The following RNF150 variants were observed in gnomAD, a reference collection of about 807,000 sequenced individuals.
RNF150 encodes the protein ring finger protein 150.
RNF150 carries 24 observed loss-of-function variants against 39.3 expected under a neutral mutation model. That is an observed-to-expected ratio of 0.61 (90% CI 0.44 to 0.86). The LOEUF is 0.86. Ranked by LOEUF, RNF150 falls within the 40% of genes least tolerant of loss-of-function variation. The pLI is 0.00. For missense variants in RNF150, 502 were observed against 587.8 expected, an observed-to-expected ratio of 0.85 and a Z score of 1.51; for synonymous variants, 255 against 227.3, an observed-to-expected ratio of 1.12 and a Z score of -1.10.
chr4:140,955,434 T>A (rs1171409394), intron 2 of RNF150, among the ~76,000 whole-genome samples: 1 of 152,188 alleles, frequency 6.6e-6, no homozygotes, highest in Non-Finnish European at 1.5e-5. Flanking sequence ...GCTAACTGTG[T>A]GACTTTGGCC....
chr4:141,038,702 A>AG (rs1400659988), intron 1 of RNF150, among the ~76,000 whole-genome samples: 8 of 152,072 alleles, frequency 5.3e-5, no homozygotes, highest in African/African-American at 1.9e-4. Flanking sequence ...AAAAAAAAAA[A>AG]GAATCTCTTT....
intron 1 of RNF150, among the ~76,000 whole-genome samples, chr4:141,059,367 T>TA (rs1035943184): frequency 8.6e-5 from 13 of 152,000 alleles, no homozygotes; most frequent in South Asian, 2.1e-4. Flanking sequence ...TAAACTAGGT[T>TA]AAAAAAAAGT....
In RNF150 at chr4:140,925,579, G is replaced by A. The variant is rs141353360; in HGVS notation, c.987+398C>T. On this transcript the variant is annotated intron_variant, in intron 5 of 6. Transcript: ENST00000515673. ...CGCTCCCTCTGAAAGCCAGGTGATCGTGGGGCAAAGTGTGGCTTACGGATC... is the reference window on the plus strand; with the variant it reads ...CGCTCCCTCTGAAAGCCAGGTGATCATGGGGCAAAGTGTGGCTTACGGATC... Among the ~76,000 whole-genome samples the A allele has an allele frequency of 3.0e-3, 461 of 152,192 alleles. 6 individuals are homozygous for A. The highest frequency in any genetic ancestry group is 0.011 in the African/African-American group (443 of 41,524).
rs184898739 is a variant in RNF150, at chr4:141,128,821, G to A, written c.484+3504C>T. Among the ~76,000 whole-genome samples the A allele has an allele frequency of 1.3e-3, 200 of 152,270 alleles. 1 individual carries two copies. Among genetic ancestry groups the A allele is most frequent in the African/African-American group, 4.5e-3 (186 of 41,550 alleles). On this transcript the variant is annotated intron_variant, in intron 1 of 6. Coordinates refer to ENST00000515673, the MANE Select transcript of RNF150 (RefSeq NM_020724.2). The stretch of plus-strand genomic sequence containing the variant: ...TGGAAAAGAATAAATAATGGTGGGT[G>A]TAAGGTGAAAGGGAATAAAATGAAT...
intron 1 of RNF150, among the ~76,000 whole-genome samples, chr4:141,061,573 G>A (rs926887666): frequency 2.6e-5 from 4 of 152,200 alleles, no homozygotes; most frequent in South Asian, 2.1e-4. Flanking sequence ...ACACATAAGT[G>A]GGAAAATGCC....
rs1034673477 is a variant in RNF150 at position 141,132,912 on chromosome 4, T to C, written c.-104A>G. 6 of 963,418 alleles carry C rather than the reference T, an allele frequency of 6.2e-6. No homozygotes were observed. Among genetic ancestry groups the C allele is most frequent in the Non-Finnish European group, 9.4e-6 (6 of 640,576 alleles). 59.7% of individuals were successfully genotyped at this position (963,418 alleles called of 1,614,324 possible). A position where few individuals can be genotyped will look rare whatever the true frequency, so the allele number is the denominator to read the frequency against. Reference sequence around the variant, plus strand: ...GGGCCGCTGCCTCTCCTCCTGCTGCTGCTCACTCCCGGGCCGGAGGGGCCG... The same window carrying C: ...GGGCCGCTGCCTCTCCTCCTGCTGCCGCTCACTCCCGGGCCGGAGGGGCCG... On this transcript the variant is annotated 5_prime_UTR_variant, in exon 1 of 7. Transcript: ENST00000515673. The surrounding 1 kb of genome is among the most constrained non-coding windows in gnomAD (Gnocchi z 4.9).
At position 140,911,284 on chromosome 4, in the gene RNF150, T is replaced by A; in HGVS notation, c.1058A>T (p.Gln353Leu). ...TGTTGTGTCGCTGGCACCTGTGATC[T>A]GGTTGGTGGGTGGACCTCCCAGAGA... ...EGSLGGPPTN[Q>L]ITGASDTTVN... is the part of the protein sequence containing the mutation. The change falls in exon 6 of 7, where the codon CAG becomes CTG. Residue 353 changes from glutamine (Q) to leucine (L), a missense_variant. Gln to Leu is a moderately radical substitution (Grantham distance 113, BLOSUM62 -2). Coordinates refer to ENST00000515673, the MANE Select transcript of RNF150 (RefSeq NM_020724.2). 1.9e-6 allele frequency: 3 copies of A among 1,614,174 alleles called. No homozygotes were observed. The highest frequency in any genetic ancestry group is 2.5e-6 in the Non-Finnish European group (3 of 1,180,036).
chr4:141,016,758 G>C (rs559576494), intron 1 of RNF150, among the ~76,000 whole-genome samples: 6 of 152,152 alleles, frequency 3.9e-5, no homozygotes, highest in African/African-American at 1.4e-4. Flanking sequence ...TGCTTTTCCT[G>C]TCCCTGGCCG....
chr4:140,923,135 T>C (rs1731229770), intron 5 of RNF150, among the ~76,000 whole-genome samples: 1 of 151,638 alleles, frequency 6.6e-6, no homozygotes, highest in Non-Finnish European at 1.5e-5. Flanking sequence ...CTAATTAAAC[T>C]AAGGACCTTC....
intron 1 of RNF150, among the ~76,000 whole-genome samples, chr4:141,059,600 G>T (rs1328047317): frequency 3.3e-5 from 5 of 151,658 alleles, no homozygotes; most frequent in African/African-American, 1.2e-4. Context: ...TAAAAACCTT[G>T]TATTGAGTAT....
chr4:141,075,388 G>A (rs1289256327), intron 1 of RNF150, among the ~76,000 whole-genome samples: 1 of 152,194 alleles, frequency 6.6e-6, no homozygotes, highest in Non-Finnish European at 1.5e-5. Context: ...GGCCAATTAA[G>A]GAAAGCCTAT....
intron 5 of RNF150, 46 bp downstream of exon 5, chr4:140,925,931 C>T (rs373257074): frequency 4.1e-5 from 55 of 1,357,264 alleles, no homozygotes; most frequent in African/African-American, 1.0e-4. Context: ...TTGAGGGCAA[C>T]GCAGAAAGAC....
At chr4:141,186,727 C>G (rs904122612) in intron 1 of RNF150, among the ~76,000 whole-genome samples, 3 of 152,026 alleles carry the variant, frequency 2.0e-5, no homozygotes, top group African/African-American at 7.2e-5. Flanking sequence ...TTTATTGTGT[C>G]TATTTGATTC....
rs1728795049 is a variant in RNF150, at chr4:140,868,295, G to C, written c.1283C>G (p.Ser428Cys). 6.2e-7 allele frequency: 1 copy of C among 1,609,048 alleles called. No individual in the cohort carries two copies. Among genetic ancestry groups the C allele is most frequent in the African/African-American group, 1.3e-5 (1 of 74,814 alleles). ...MEVGLSDVEL[S>C]TDQDCEEVKS The stretch of plus-strand genomic sequence containing the variant: ...CACTTCTTCACAGTCCTGGTCAGTG[G>C]AAAGTTCTACATCAGACAGTCCAAC... Residue 428 changes from serine (S) to cysteine (C), a missense_variant, in exon 7 of 7, where the codon TCC (serine) becomes TGC (cysteine). Transcript: ENST00000515673.
intron 1 of RNF150, among the ~76,000 whole-genome samples, chr4:141,167,249 G>T (rs573192069): frequency 6.6e-6 from 1 of 152,236 alleles, no homozygotes; most frequent in African/African-American, 2.4e-5. Context: ...GGATGTGAAA[G>T]ACCTCTTCAA....
At chr4:140,924,850 A>G (rs748665216) in intron 5 of RNF150, among the ~76,000 whole-genome samples, 7 of 152,244 alleles carry the variant, frequency 4.6e-5, no homozygotes, top group Admixed American at 4.6e-4. Flanking sequence ...CATGCAAATC[A>G]TACAGCAGGC....
At chr4:140,959,975 T>C (rs1732951398) in intron 2 of RNF150, among the ~76,000 whole-genome samples, 1 of 152,174 alleles carries the variant, frequency 6.6e-6, no homozygotes, top group Admixed American at 6.6e-5. Flanking sequence ...TGTATTCTGA[T>C]GATCCCCCAC....
At chr4:141,016,527 G>A (rs554234789) in intron 1 of RNF150, among the ~76,000 whole-genome samples, 20 of 152,366 alleles carry the variant, frequency 1.3e-4, no homozygotes, top group South Asian at 8.3e-4. Flanking sequence ...CTCTGCGGGA[G>A]CAGTCACAGA....
intron 1 of RNF150, among the ~76,000 whole-genome samples, chr4:141,029,544 T>A (rs1006051816): frequency 6.6e-6 from 1 of 152,216 alleles, no homozygotes. Context: ...TTGAAAGCAT[T>A]GCCCTTACTA....
Sources: allele counts gnomAD v4.1 joint callset (sites outside exome capture counted in the v4.1 genomes callset), GRCh38; gene constraint gnomAD v4.1.1; non-coding constraint Gnocchi (gnomAD v3.1); transcripts MANE v1.5; gene names NCBI Gene and HGNC (gene_info 2026-07-23, HGNC 2026-07-21).